GMDS: variants seen among roughly 807,000 people sequenced by gnomAD.
GMDS encodes the protein GDP-mannose 4,6-dehydratase, also known as GDP-mannose 4,6 dehydratase.
GMDS carries 20 observed loss-of-function variants against 49.9 expected under a neutral mutation model. The observed-to-expected ratio is 0.40, with a 90% CI of 0.28 to 0.58. The LOEUF is 0.58. GMDS is among the 20% of genes least tolerant of loss of function. The probability of loss-of-function intolerance (pLI) is 0.42; values close to 1 mark genes in which losing one functional copy is unlikely to be tolerated. For synonymous variants in GMDS, 177 were observed against 178.6 expected (o/e 0.99, Z 0.07); for missense variants, 362 against 481.4 (o/e 0.75, Z 2.32).
intron 7 of GMDS, among the ~76,000 whole-genome samples, chr6:1,851,792 G>T (rs1757685940): frequency 6.6e-6 from 1 of 152,192 alleles, no homozygotes; most frequent in Admixed American, 6.5e-5. Flanking sequence ...GCTTTTAATG[G>T]CAGTCTGAGG....
rs997053187 is a variant in GMDS at position 2,112,772 on chromosome 6, T to C, written c.345+2999A>G. 2.2e-4 allele frequency among the ~76,000 whole-genome samples: 34 copies of C among 152,138 alleles called. 1 individual carries two copies. Among genetic ancestry groups the C allele is most frequent in the Non-Finnish European group, 4.6e-4 (31 of 68,024 alleles). On this transcript the variant is annotated intron_variant, in intron 4 of 10. Transcript: ENST00000380815. ...GCCTAACTGGCAAGGCCGGTGACTT[T>C]TCCTGGTCCTCATTCTCCTAGCCTC...
chr6:2,221,388 T>C (rs1780580351), intron 1 of GMDS, among the ~76,000 whole-genome samples: 1 of 132,910 alleles, frequency 7.5e-6, no homozygotes, highest in Non-Finnish European at 1.6e-5. Context: ...TAAAATGTTC[T>C]TTTTTTTTTT....
intron 8 of GMDS, among the ~76,000 whole-genome samples, chr6:1,742,110 T>C (rs1370129280): frequency 6.6e-6 from 1 of 151,750 alleles, no homozygotes; most frequent in African/African-American, 2.4e-5. Flanking sequence ...GTAGTAGAGA[T>C]GGGGTTTCAC....
chr6:2,150,571 G>C (rs934050943), intron 1 of GMDS, among the ~76,000 whole-genome samples: 1 of 151,944 alleles, frequency 6.6e-6, no homozygotes, highest in Non-Finnish European at 1.5e-5. Flanking sequence ...ACTTCTTTTG[G>C]CTTCAGTTTT....
intron 9 of GMDS, among the ~76,000 whole-genome samples, chr6:1,692,516 T>TG (rs989951983): frequency 3.9e-5 from 6 of 152,234 alleles, no homozygotes; most frequent in African/African-American, 1.4e-4. Flanking sequence ...CCCTCCTTTT[T>TG]GGGGACTCCA....
intron 8 of GMDS, among the ~76,000 whole-genome samples, chr6:1,737,784 CAT>C (rs1767075312): frequency 6.3e-5 from 7 of 111,156 alleles, no homozygotes; most frequent in East Asian, 4.1e-4. Flanking sequence ...GATACACATA[CAT>C]ACACACATAC....
chr6:1,626,833 A>T lies in GMDS; in HGVS notation c.988-2293T>A, dbSNP rs146618697. Among the ~76,000 whole-genome samples the T allele has an allele frequency of 1.3e-3, 205 of 152,378 alleles. 1 individual carries two copies. The highest frequency in any genetic ancestry group is 4.8e-3 in the African/African-American group (198 of 41,584). ...AGTAGCTCACAATATAAAAACAACCAGGGAACTACAATTAAGGAAAAAGAA... is the reference window on the plus strand; with the variant it reads ...AGTAGCTCACAATATAAAAACAACCTGGGAACTACAATTAAGGAAAAAGAA... On this transcript the variant is annotated intron_variant, in intron 9 of 10. Transcript: ENST00000380815.
At chr6:1,631,322 C>T (rs10484697) in intron 9 of GMDS, among the ~76,000 whole-genome samples, 8,055 of 152,140 alleles carry the variant, frequency 0.053, 684 homozygotes, top group African/African-American at 0.18. Context: ...CAAAGTATCT[C>T]GGAGGTAAAA....
At chr6:2,098,329 A>C (rs1220604331) in intron 4 of GMDS, among the ~76,000 whole-genome samples, 2 of 152,224 alleles carry the variant, frequency 1.3e-5, no homozygotes, top group Non-Finnish European at 2.9e-5. Flanking sequence ...AAGTGCTGGG[A>C]TTACAGGCGT....
chr6:1,754,461 C>T (rs983412700), intron 7 of GMDS, among the ~76,000 whole-genome samples: 1 of 152,180 alleles, frequency 6.6e-6, no homozygotes, highest in African/African-American at 2.4e-5. Context: ...CAAAGAGGAG[C>T]TGGTACCATT....
chr6:1,877,922 C>T (rs762318439), intron 7 of GMDS, among the ~76,000 whole-genome samples: 2 of 152,138 alleles, frequency 1.3e-5, no homozygotes, highest in African/African-American at 2.4e-5. Context: ...AGAGGTTAGC[C>T]ACACCTATGT....
At chr6:1,843,141 A>AATAAT (rs1581246998) in intron 7 of GMDS, among the ~76,000 whole-genome samples, 1 of 151,834 alleles carries the variant, frequency 6.6e-6, no homozygotes, top group East Asian at 1.9e-4. Flanking sequence ...AATAAAATAA[A>AATAAT]ATAAAATAAA....
chr6:1,980,178 A>C (rs1765138086), intron 4 of GMDS, among the ~76,000 whole-genome samples: 1 of 152,192 alleles, frequency 6.6e-6, no homozygotes, highest in Non-Finnish European at 1.5e-5. Context: ...GACAGGATTT[A>C]ATCCACACAT....
chr6:1,705,872 C>G (rs1453423318), intron 9 of GMDS, among the ~76,000 whole-genome samples: 1 of 152,154 alleles, frequency 6.6e-6, no homozygotes, highest in Non-Finnish European at 1.5e-5. Context: ...CGGCTGGGCA[C>G]CCAGCAATCT....
intron 7 of GMDS, among the ~76,000 whole-genome samples, chr6:1,781,913 T>C (rs3800064): frequency 0.19 from 29,531 of 151,462 alleles, 3,059 homozygotes; most frequent in East Asian, 0.26. Flanking sequence ...TCCTGAAATA[T>C]TGACGAGCAG....
intron 7 of GMDS, among the ~76,000 whole-genome samples, chr6:1,842,606 G>C (rs1327023038): frequency 1.3e-5 from 2 of 152,206 alleles, no homozygotes; most frequent in Non-Finnish European, 2.9e-5. Flanking sequence ...AGATGACTCT[G>C]TATTAGCCAA....
At chr6:2,213,227 CTCAAAATACGTAGCA>C (rs1271451533) in intron 1 of GMDS, among the ~76,000 whole-genome samples, 1 of 152,162 alleles carries the variant, frequency 6.6e-6, no homozygotes, top group Non-Finnish European at 1.5e-5. Flanking sequence ...TCAAGAGTCC[CTCAAAATACGTAGCA>C]AGGAATCCCT....
chr6:2,037,941 T>C (rs1581554719), intron 4 of GMDS, among the ~76,000 whole-genome samples: 2 of 152,194 alleles, frequency 1.3e-5, no homozygotes, highest in East Asian at 3.8e-4. Context: ...AGTACTAGTA[T>C]AATGGTTGTT....
chr6:2,151,357 T>C lies in GMDS; in HGVS notation c.103-26626A>G, dbSNP rs535840735. Among the ~76,000 whole-genome samples the C allele has an allele frequency of 1.6e-3, 248 of 152,190 alleles. 1 individual carries two copies. Among genetic ancestry groups the C allele is most frequent in the African/African-American group, 5.9e-3 (244 of 41,556 alleles). ...AAACAATTTTTTTATTTTATTTTCA[T>C]TGAAGATCCCCAAAAGCAAATATAA... On this transcript the variant is annotated intron_variant, in intron 1 of 10. Transcript: ENST00000380815.
Sources: allele counts gnomAD v4.1 joint callset (sites outside exome capture counted in the v4.1 genomes callset), GRCh38; gene constraint gnomAD v4.1.1; transcripts MANE v1.5; gene names NCBI Gene and HGNC (gene_info 2026-07-23, HGNC 2026-07-21).